C11orf65: variants seen among roughly 807,000 people sequenced by gnomAD.
The protein encoded by C11orf65 is protein MFI.
A neutral mutation model predicts 35.3 loss-of-function variants in C11orf65; 38 were observed. The observed-to-expected ratio is 1.08, with a 90% CI of 0.83 to 1.41. The LOEUF is 1.41. C11orf65 is among the 40% of genes most tolerant of loss of function. C11orf65 has a pLI of 0.00. For missense variants in C11orf65, 370 were observed against 367.1 expected (o/e 1.01, Z -0.06); for synonymous variants, 105 against 114.4 (o/e 0.92, Z 0.53).
rs1555139443 is a variant in C11orf65 at position 108,347,263 on chromosome 11, TTTCTTTTTTCTCCAGTTGGTTACATAC to T, written c.227-11998_227-11972del. 6.4e-7 allele frequency: 1 copy of T among 1,563,540 alleles called. No homozygotes were observed. Among genetic ancestry groups the T allele is most frequent in the Non-Finnish European group, 8.8e-7 (1 of 1,134,274 alleles). On this transcript the variant is annotated intron_variant, in intron 2 of 3. Transcript: ENST00000524755. Reference sequence around the variant, plus strand: ...GGAATCAGTGATTTCAGATTGTTTGTTTCTTTTTTCTCCAGTTGGTTACATACTTGGACTTGGTGATAGACATGTACA... The same window carrying T: ...GGAATCAGTGATTTCAGATTGTTTGTTTGGACTTGGTGATAGACATGTACA...
At chr11:108,385,136 C>G (rs2091960417) in intron 8 of C11orf65, among the ~76,000 whole-genome samples, 2 of 152,046 alleles carry the variant, frequency 1.3e-5, no homozygotes, top group African/African-American at 4.8e-5. Flanking sequence ...TTTAGTGGTG[C>G]AATCTTGGCT....
chr11:108,383,068 C>A lies in C11orf65; in HGVS notation c.895G>T (p.Glu299Ter). Residue 299 changes from glutamate (E) to a stop codon, truncating the protein, a stop_gained, in exon 9 of 9, where the codon GAA (glutamate) becomes TAA (stop). Transcript: ENST00000393084. LOFTEE classifies it low-confidence loss of function (END_TRUNC). ...GGCGTTAATCTAGTTACATTTGGTT[C>A]TTGATAAACATTTTCATAGTAAGTA... is the stretch of plus-strand genomic sequence containing the variant. ...DDTYYENVYQ[E>*]PNVTRLTPDS... 1 of 1,611,558 alleles carries A rather than the reference C, an allele frequency of 6.2e-7. No individual in the cohort carries two copies. The highest frequency in any genetic ancestry group is 1.1e-5 in the South Asian group (1 of 90,428).
In C11orf65 at chr11:108,335,922, G is replaced by A. The variant is rs150603052; in HGVS notation, c.227-630C>T. 53 of 1,613,768 alleles carry A rather than the reference G, an allele frequency of 3.3e-5. No individual in the cohort carries two copies. In the East Asian group the frequency reaches 8.5e-4, roughly 26 times the overall value. On this transcript the variant is annotated intron_variant, in intron 2 of 3. Coordinates refer to the C11orf65 transcript ENST00000524755. ...GTAATACATTACTGCAGAGAAACAC[G>A]GAAACTAGGAAGAGGAAATTAACTA...
chr11:108,454,947 C>G (rs1339756883), intron 2 of C11orf65, among the ~76,000 whole-genome samples: 4 of 152,002 alleles, frequency 2.6e-5, no homozygotes, highest in Non-Finnish European at 5.9e-5. Flanking sequence ...GTTTCTAGTT[C>G]CTTGAAGTGT....
chr11:108,328,349 C>A (rs1049192159), downstream of C11orf65, among the ~76,000 whole-genome samples: 3 of 152,138 alleles, frequency 2.0e-5, no homozygotes, highest in African/African-American at 7.2e-5. Flanking sequence ...TGGGTTCAAG[C>A]GATTCTCCTG....
chr11:108,385,818 A>T, intron 8 of C11orf65, 102 bp downstream of exon 8: 1 of 911,992 alleles, frequency 1.1e-6, no homozygotes, highest in Non-Finnish European at 1.7e-6. Context: ...AAATTTATAT[A>T]CTATGCAGAT....
intron 2 of C11orf65, among the ~76,000 whole-genome samples, chr11:108,435,620 G>C (rs1055925488): frequency 1.3e-5 from 2 of 152,160 alleles, no homozygotes; most frequent in East Asian, 1.9e-4. Context: ...CTGAAAAAAA[G>C]AGAGAATATG....
chr11:108,368,345 A>G (rs2091440565), intron 2 of C11orf65: 1 of 212,416 alleles, frequency 4.7e-6, no homozygotes, highest in African/African-American at 2.3e-5. Flanking sequence ...AATGACTAAG[A>G]TAGAAAACTG....
intron 3 of C11orf65, among the ~76,000 whole-genome samples, chr11:108,420,255 T>A (rs1380875017): frequency 6.6e-6 from 1 of 152,158 alleles, no homozygotes; most frequent in Non-Finnish European, 1.5e-5. Context: ...AAATAACATT[T>A]CAAATTAGGT....
At chr11:108,458,404 C>CT (rs2093433298) in intron 2 of C11orf65, among the ~76,000 whole-genome samples, 1 of 145,594 alleles carries the variant, frequency 6.9e-6, no homozygotes, top group Non-Finnish European at 1.5e-5. Flanking sequence ...GATCACCAGA[C>CT]AGGAAGTCTA....
downstream of C11orf65, among the ~76,000 whole-genome samples, chr11:108,328,868 C>T (rs565293166): frequency 9.9e-5 from 15 of 152,256 alleles, no homozygotes; most frequent in East Asian, 2.5e-3. Flanking sequence ...GCCCATGGGC[C>T]GTGGGTTGGA....
At chr11:108,325,992 A>G (rs2136327856) in intron 6 of C11orf65, 1 of 1,559,898 alleles carries the variant, frequency 6.4e-7, no homozygotes, top group Non-Finnish European at 8.8e-7. Context: ...TTTCATTATT[A>G]TTATTATTCA....
chr11:108,434,301 T>C (rs2093033390), intron 2 of C11orf65, among the ~76,000 whole-genome samples: 1 of 152,004 alleles, frequency 6.6e-6, no homozygotes. Flanking sequence ...GGTCAGGGGT[T>C]CGAGATCAGC....
rs1362987304 is a variant in C11orf65 at position 108,365,524 on chromosome 11, T to G, written c.226+27684A>C. ...TTGGGTGTGATCTTCAGTATATGAATTACCCTTTCATTCAGCCTTTAGAAA... is the reference window on the plus strand; with the variant it reads ...TTGGGTGTGATCTTCAGTATATGAAGTACCCTTTCATTCAGCCTTTAGAAA... On this transcript the variant is annotated intron_variant, in intron 2 of 3. Transcript: ENST00000524755. The G allele has an allele frequency of 6.2e-7, 1 of 1,613,216 alleles. No individual in the cohort carries two copies. The highest frequency in any genetic ancestry group is 2.2e-5 in the East Asian group (1 of 44,874).
chr11:108,450,426 A>T (rs1204008842), intron 2 of C11orf65, among the ~76,000 whole-genome samples: 1 of 151,776 alleles, frequency 6.6e-6, no homozygotes, highest in African/African-American at 2.4e-5. Flanking sequence ...CATATACACC[A>T]TGGAATACTA....
chr11:108,327,802 A>G, downstream of C11orf65: 1 of 1,337,822 alleles, frequency 7.5e-7, no homozygotes, highest in Non-Finnish European at 1.1e-6. Context: ...CTTAGCATGA[A>G]TATGCTTCAT....
At chr11:108,433,315 C>T (rs994407256) in intron 2 of C11orf65, among the ~76,000 whole-genome samples, 2 of 150,994 alleles carry the variant, frequency 1.3e-5, no homozygotes, top group African/African-American at 2.4e-5. Flanking sequence ...CAGTGGCTCA[C>T]GCCTATAATC....
chr11:108,352,756 T>C (rs2089365305), intron 2 of C11orf65, among the ~76,000 whole-genome samples: 1 of 152,170 alleles, frequency 6.6e-6, no homozygotes, highest in Non-Finnish European at 1.5e-5. Context: ...TTGATATACA[T>C]AACAATTTGG....
chr11:108,332,631 T>C (rs1441021546), intron 3 of C11orf65: 2 of 986,146 alleles, frequency 2.0e-6, no homozygotes, highest in Non-Finnish European at 3.0e-6. Context: ...TTTGTTTGTA[T>C]CTGAGGAATT....
Sources: gnomAD v4.1 joint callset for allele counts (sites outside exome capture counted in the v4.1 genomes callset) on GRCh38, gnomAD v4.1.1 for gene constraint, MANE v1.5 for transcripts, NCBI Gene and HGNC (gene_info 2026-07-23, HGNC 2026-07-21) for gene names.